ADGRG5: variants seen among roughly 807,000 people sequenced by gnomAD.
ADGRG5 encodes the protein adhesion G protein-coupled receptor G5, also known as G protein-coupled receptor 114.
In ADGRG5, 37 loss-of-function variants were observed where a neutral mutation model predicts 53.2. The observed-to-expected ratio is 0.70, with a 90% CI of 0.53 to 0.91. The LOEUF (loss-of-function observed/expected upper bound fraction) is 0.91, where lower values mean the gene tolerates loss of function less well. Ranked by LOEUF, ADGRG5 falls within the 40% of genes least tolerant of loss-of-function variation. ADGRG5 has a pLI of 0.00. For synonymous variants in ADGRG5, 277 were observed against 290.4 expected (o/e 0.95, Z 0.47); for missense variants, 614 against 675.8 (o/e 0.91, Z 1.01).
upstream of ADGRG5, among the ~76,000 whole-genome samples, chr16:57,541,808 T>G (rs1410696015): frequency 6.6e-6 from 1 of 152,210 alleles, no homozygotes; most frequent in African/African-American, 2.4e-5. Flanking sequence ...CTCCTTGCTT[T>G]CCCTTAGAGC....
rs79074263 is a variant in ADGRG5 at position 57,566,758 on chromosome 16, A to G, written c.699+7A>G. 21,542 of 1,475,996 alleles carry G rather than the reference A, an allele frequency of 0.015. 229 individuals carry two copies. Among genetic ancestry groups the G allele is most frequent in the Non-Finnish European group, 0.016 (17,326 of 1,109,996 alleles). 91.4% of individuals were successfully genotyped at this position (1,475,996 alleles called of 1,614,324 possible). A position where few individuals can be genotyped will look rare whatever the true frequency, so the allele number is the denominator to read the frequency against. ...CTACTTTGCTGTTCTCATGGTATGT[A>G]TGCATCCTGAGTGGGGCTCAGAGCT... is the stretch of plus-strand genomic sequence containing the variant. On this transcript the variant is annotated splice_region_variant and intron_variant, in intron 7 of 11. Coordinates refer to ENST00000349457, the MANE Select transcript of ADGRG5 (RefSeq NM_001304376.3).
chr16:57,574,180 G>C lies in ADGRG5; in HGVS notation c.1209-635G>C, dbSNP rs1206515628. 6.6e-6 allele frequency among the ~76,000 whole-genome samples: 1 copy of C among 152,214 alleles called. No individual in the cohort carries two copies. Among genetic ancestry groups the C allele is most frequent in the Non-Finnish European group, 1.5e-5 (1 of 68,040 alleles). ...AGGCCTCCGGGAGGGCGTGGGACCGGGGCTGGCTTCGGTTAGTTCTCCATG... is the reference window on the plus strand; with the variant it reads ...AGGCCTCCGGGAGGGCGTGGGACCGCGGCTGGCTTCGGTTAGTTCTCCATG... On this transcript the variant is annotated intron_variant, in intron 10 of 11. Transcript: ENST00000349457. The surrounding 1 kb of genome is among the most constrained non-coding windows in gnomAD (Gnocchi z 4.4).
Position 57,574,070 on chromosome 16 carries a change from C to T in ADGRG5, c.1209-745C>T, listed in dbSNP as rs968411717. On this transcript the variant is annotated intron_variant, in intron 10 of 11. Transcript: ENST00000349457. This position sits in a 1 kb window ranked among gnomAD's most constrained non-coding sequence, Gnocchi z 4.4. ...GTCCTTACATTTCCCTGTCTCTAAA[C>T]CCTTTTCTCCTGCCTCAGCATGACA... Among the ~76,000 whole-genome samples, 1 of 152,168 alleles carries T rather than the reference C, an allele frequency of 6.6e-6. No homozygotes were observed. Among genetic ancestry groups the T allele is most frequent in the Admixed American group, 6.5e-5 (1 of 15,276 alleles).
chr16:57,539,418 C>A (rs1421915113), upstream of ADGRG5, among the ~76,000 whole-genome samples: 2 of 149,806 alleles, frequency 1.3e-5, no homozygotes, highest in East Asian at 1.9e-4. Context: ...GTTTGCATGA[C>A]AGTGTAAAGG....
chr16:57,567,064 C>T (rs2033153456), intron 7 of ADGRG5, among the ~76,000 whole-genome samples: 2 of 152,178 alleles, frequency 1.3e-5, no homozygotes, highest in South Asian at 2.1e-4. Context: ...GGCAGCAGTT[C>T]CAGGCTCATG....
upstream of ADGRG5, among the ~76,000 whole-genome samples, chr16:57,541,497 C>T (rs1465600493): frequency 6.6e-6 from 1 of 152,222 alleles, no homozygotes; most frequent in Non-Finnish European, 1.5e-5. Flanking sequence ...CTTCACCGTG[C>T]AGCTGGGGTG....
rs963476254 is a variant in ADGRG5, at chr16:57,573,463, T to A, written c.1209-1352T>A. 7.6e-5 allele frequency among the ~76,000 whole-genome samples: 11 copies of A among 144,302 alleles called. No homozygotes were observed. The East Asian group carries it at 2.2e-3, about 29-fold the overall frequency. 94.7% of individuals were successfully genotyped at this position (144,302 alleles called of 152,430 possible). The stretch of plus-strand genomic sequence containing the variant: ...AAAAAAAAAAGGAAAGAGTGAGGCA[T>A]GAATTAAGCAAGAAAAGCAGAGATT... On this transcript the variant is annotated intron_variant, in intron 10 of 11. Transcript: ENST00000349457.
chr16:57,558,688 G>C (rs1200889658), intron 1 of ADGRG5, among the ~76,000 whole-genome samples: 1 of 152,182 alleles, frequency 6.6e-6, no homozygotes, highest in Non-Finnish European at 1.5e-5. Flanking sequence ...ATCCCCATGG[G>C]AACCAATCTC....
At chr16:57,540,860 G>A (rs990607444), upstream of ADGRG5, among the ~76,000 whole-genome samples, 2 of 152,070 alleles carry the variant, frequency 1.3e-5, no homozygotes, top group African/African-American at 4.8e-5. Context: ...GTGCGATCTC[G>A]GCTCACTGCA....
chr16:57,534,152 C>T, the ADGRG5 span, among the ~76,000 whole-genome samples: 1 of 152,180 alleles, frequency 6.6e-6, no homozygotes, highest in East Asian at 1.9e-4. Context: ...GCCTTGATCT[C>T]CCCAACCCCA....
chr16:57,558,941 G>T (rs1429061957), intron 1 of ADGRG5, among the ~76,000 whole-genome samples: 1 of 151,456 alleles, frequency 6.6e-6, no homozygotes, highest in East Asian at 1.9e-4. Context: ...AACTTCCCAG[G>T]CTCAGGTGAT....
rs759273016 is a variant in ADGRG5, at chr16:57,575,532, A to G, written c.1581A>G (p.Thr527=). 6.2e-7 allele frequency: 1 copy of G among 1,611,864 alleles called. No individual in the cohort carries two copies. Among genetic ancestry groups the G allele is most frequent in the East Asian group, 2.2e-5 (1 of 44,858 alleles). The change falls in exon 12 of 12, where the codon ACA becomes ACG. Residue 527 remains threonine, a synonymous_variant. Coordinates refer to ENST00000349457, the MANE Select transcript of ADGRG5 (RefSeq NM_001304376.3). ...AGGCCTTCAGCTCCTCCCAAACAAC[A>G]CAGTAGTCCGGGCCTCCTGGCCTGG... ...QIEAFSSSQT[T]Q
At position 57,556,981 on chromosome 16, in the gene ADGRG5, C is replaced by A. The variant is rs139621616; in HGVS notation, c.-38-5075C>A. 1.4e-3 allele frequency among the ~76,000 whole-genome samples: 205 copies of A among 142,998 alleles called. 3 individuals carry two copies. Among genetic ancestry groups the A allele is most frequent in the African/African-American group, 5.2e-3 (195 of 37,188 alleles). The allele number at this position is 142,998 out of a possible 152,430, so 93.8% of individuals were successfully genotyped here. A position where few individuals can be genotyped will look rare whatever the true frequency, so the allele number is the denominator to read the frequency against. On this transcript the variant is annotated intron_variant, in intron 1 of 11. Coordinates refer to ENST00000349457, the MANE Select transcript of ADGRG5 (RefSeq NM_001304376.3). ...CTGGAGTGCAATGGCATGATCATGGCTCACTGCAATCTTGACCTCCTGGAC... is the reference window on the plus strand; with the variant it reads ...CTGGAGTGCAATGGCATGATCATGGATCACTGCAATCTTGACCTCCTGGAC...
chr16:57,550,804 C>T (rs1048197988), intron 1 of ADGRG5, among the ~76,000 whole-genome samples: 5 of 152,114 alleles, frequency 3.3e-5, no homozygotes, highest in East Asian at 1.9e-4. Context: ...CCGAGGCGGG[C>T]GGATCATGAG....
intron 1 of ADGRG5, among the ~76,000 whole-genome samples, chr16:57,549,469 C>G (rs2032697438): frequency 6.6e-6 from 1 of 152,194 alleles, no homozygotes; most frequent in African/African-American, 2.4e-5. Context: ...CTTCCTTTCT[C>G]TAAGAGGAGG....
chr16:57,548,117 G>A (rs1317946987), intron 1 of ADGRG5, among the ~76,000 whole-genome samples: 4 of 151,018 alleles, frequency 2.6e-5, no homozygotes, highest in African/African-American at 9.8e-5. Flanking sequence ...GGCCTCAAGC[G>A]ATTCTCCTGC....
intron 1 of ADGRG5, among the ~76,000 whole-genome samples, chr16:57,556,908 C>CTTTTATTTTT: frequency 8.6e-6 from 1 of 115,750 alleles, no homozygotes; most frequent in African/African-American, 3.6e-5. Context: ...TTGCCTTCTT[C>CTTTTATTTTT]TTTTTTTTTT....
At chr16:57,572,818 C>T (rs1031569529) in intron 10 of ADGRG5, among the ~76,000 whole-genome samples, 5 of 152,346 alleles carry the variant, frequency 3.3e-5, no homozygotes, top group Middle Eastern at 3.4e-3. Flanking sequence ...AGTGAGTGGT[C>T]GCCTACCACA....
chr16:57,536,168 T>C, the ADGRG5 span, among the ~76,000 whole-genome samples: 1 of 152,048 alleles, frequency 6.6e-6, no homozygotes, highest in African/African-American at 2.4e-5. Context: ...GCGACCACGT[T>C]GGGTCCCCCG....
Sources: gnomAD v4.1 joint callset for allele counts (sites outside exome capture counted in the v4.1 genomes callset) on GRCh38, gnomAD v4.1.1 for gene constraint, Gnocchi (gnomAD v3.1) non-coding constraint, MANE v1.5 for transcripts, NCBI Gene and HGNC (gene_info 2026-07-23, HGNC 2026-07-21) for gene names.